Variants in FHIT observed in about 807,000 individuals in gnomAD.
FHIT encodes the protein bis(5'-adenosyl)-triphosphatase.
FHIT carries 19 observed loss-of-function variants against 17.9 expected under a neutral mutation model. The observed-to-expected ratio is 1.06, with a 90% CI of 0.74 to 1.56. The LOEUF is 1.56. Ranked by LOEUF, FHIT falls within the 40% of genes most tolerant of loss-of-function variation. FHIT has a pLI of 0.00. For synonymous variants in FHIT, 81 were observed against 69.7 expected (o/e 1.16, Z -0.81); for missense variants, 248 against 189.2 (o/e 1.31, Z -1.82).
At chr3:59,910,636 T>C (rs1392994717) in intron 8 of FHIT, among the ~76,000 whole-genome samples, 1 of 152,112 alleles carries the variant, frequency 6.6e-6, no homozygotes, top group African/African-American at 2.4e-5. Context: ...GTAAGTCTCA[T>C]GTTCTATAAA....
At chr3:59,858,226 T>C (rs1702253266) in intron 8 of FHIT, among the ~76,000 whole-genome samples, 1 of 149,950 alleles carries the variant, frequency 6.7e-6, no homozygotes, top group South Asian at 2.1e-4. Flanking sequence ...TTCCTTCCTT[T>C]TCCCACCTTC....
intron 4 of FHIT, among the ~76,000 whole-genome samples, chr3:60,688,443 T>TC (rs1304600448): frequency 6.6e-6 from 1 of 151,824 alleles, no homozygotes; most frequent in African/African-American, 2.4e-5. Context: ...TTTTTGTTTT[T>TC]TTTTTTAGAC....
intron 6 of FHIT, among the ~76,000 whole-genome samples, chr3:60,013,111 C>T (rs17061776): frequency 6.6e-6 from 1 of 152,152 alleles, no homozygotes; most frequent in Non-Finnish European, 1.5e-5. Flanking sequence ...AGAAAAAAAT[C>T]TGTTTGAGAA....
intron 3 of FHIT, among the ~76,000 whole-genome samples, chr3:60,946,462 T>C (rs1708642837): frequency 6.6e-6 from 1 of 152,168 alleles, no homozygotes. Context: ...TGGTACTTCC[T>C]AGATTGTGAA....
chr3:60,695,379 G>C (rs2041090912), intron 4 of FHIT, among the ~76,000 whole-genome samples: 1 of 152,182 alleles, frequency 6.6e-6, no homozygotes, highest in Non-Finnish European at 1.5e-5. Flanking sequence ...CTGGGCGACA[G>C]AGTGAGACTC....
intron 3 of FHIT, among the ~76,000 whole-genome samples, chr3:61,020,769 G>A (rs966773920): frequency 3.9e-5 from 6 of 152,102 alleles, no homozygotes; most frequent in African/African-American, 1.2e-4. Context: ...CTGTATCGGT[G>A]CGCTATATTC....
At chr3:60,462,885 G>A (rs994196585) in intron 5 of FHIT, among the ~76,000 whole-genome samples, 8 of 152,178 alleles carry the variant, frequency 5.3e-5, no homozygotes, top group African/African-American at 1.9e-4. Context: ...CCAATAGGCA[G>A]GCCGACACAA....
At chr3:60,571,623 T>C (rs2037388776) in intron 4 of FHIT, among the ~76,000 whole-genome samples, 1 of 151,978 alleles carries the variant, frequency 6.6e-6, no homozygotes, top group Non-Finnish European at 1.5e-5. Context: ...TCTCTAAGTG[T>C]AGAGTCAGGA....
intron 1 of FHIT, among the ~76,000 whole-genome samples, chr3:61,219,435 A>C (rs1207535812): frequency 6.6e-6 from 1 of 152,048 alleles, no homozygotes; most frequent in East Asian, 1.9e-4. Flanking sequence ...GAGTATAGAT[A>C]TCTAGACAAT....
intron 4 of FHIT, among the ~76,000 whole-genome samples, chr3:60,792,444 C>T (rs919917255): frequency 3.3e-5 from 5 of 152,302 alleles, no homozygotes; most frequent in African/African-American, 1.2e-4. Flanking sequence ...GCTCTCAATG[C>T]AGTCACACAT....
intron 4 of FHIT, among the ~76,000 whole-genome samples, chr3:60,657,242 G>A (rs62249154): frequency 0.049 from 7,533 of 152,220 alleles, 216 homozygotes; most frequent in South Asian, 0.096. Context: ...AGGAGGTGAG[G>A]ACATTTCTTT....
intron 5 of FHIT, among the ~76,000 whole-genome samples, chr3:60,272,579 C>T (rs1045649983): frequency 1.3e-5 from 2 of 152,112 alleles, no homozygotes; most frequent in African/African-American, 4.8e-5. Context: ...GGGGACAAAC[C>T]GAGGACTCCC....
intron 2 of FHIT, among the ~76,000 whole-genome samples, chr3:61,076,735 T>C (rs2034984636): frequency 6.6e-6 from 1 of 152,110 alleles, no homozygotes; most frequent in African/African-American, 2.4e-5. Context: ...AGAGGTTAAG[T>C]GATTTATCCA....
intron 7 of FHIT, among the ~76,000 whole-genome samples, chr3:59,926,233 A>C (rs1323039749): frequency 6.6e-6 from 1 of 152,192 alleles, no homozygotes; most frequent in African/African-American, 2.4e-5. Context: ...AGCATTCCAG[A>C]AACTTATTTG....
chr3:60,321,617 G>T (rs1425368447), intron 5 of FHIT, among the ~76,000 whole-genome samples: 4 of 152,210 alleles, frequency 2.6e-5, no homozygotes, highest in African/African-American at 9.6e-5. Flanking sequence ...TAGGAGAACT[G>T]CTGAAATCTG....
intron 4 of FHIT, among the ~76,000 whole-genome samples, chr3:60,714,675 C>A (rs12062221): frequency 0.063 from 9,605 of 152,142 alleles, 496 homozygotes; most frequent in African/African-American, 0.14. Flanking sequence ...GAGTGAACTC[C>A]CATTCACAAC....
intron 3 of FHIT, among the ~76,000 whole-genome samples, chr3:60,845,709 C>T (rs1178699813): frequency 1.8e-4 from 28 of 152,298 alleles, no homozygotes; most frequent in Non-Finnish European, 1.5e-5. Context: ...CATAAACACA[C>T]ATACCCCAGA....
intron 2 of FHIT, among the ~76,000 whole-genome samples, 173 bp downstream of exon 2, chr3:61,200,444 G>A (rs556835853): frequency 1.3e-5 from 2 of 152,174 alleles, no homozygotes; most frequent in Non-Finnish European, 2.9e-5. Context: ...ATTTCCTCCT[G>A]CTCTCTGCTA....
intron 1 of FHIT, among the ~76,000 whole-genome samples, chr3:61,233,681 T>C (rs1361819933): frequency 6.6e-6 from 1 of 152,220 alleles, no homozygotes; most frequent in Non-Finnish European, 1.5e-5. Flanking sequence ...ATAATGAACA[T>C]ATATTATTTC....
Sources: gnomAD v4.1 joint callset for allele counts (sites outside exome capture counted in the v4.1 genomes callset) on GRCh38, gnomAD v4.1.1 for gene constraint, MANE v1.5 for transcripts, NCBI Gene and HGNC (gene_info 2026-07-23, HGNC 2026-07-21) for gene names.